PLAC1: variants seen among roughly 807,000 people sequenced by gnomAD.
PLAC1 encodes placenta-specific protein 1.
For missense variants in PLAC1, 136 were observed against 163.2 expected (o/e 0.83, Z 0.91); for synonymous variants, 68 against 62.1 (o/e 1.09, Z -0.44).
chrX:134,616,480 C>CA (rs1186722027), intron 1 of PLAC1, among the ~76,000 whole-genome samples: 1 of 109,582 alleles, frequency 9.1e-6, no homozygotes, highest in Non-Finnish European at 1.9e-5. Flanking sequence ...ACTAAAAATA[C>CA]AAAAAATTAG....
In PLAC1 at chrX:134,566,755, A is replaced by C. The variant is rs2077878801; in HGVS notation, c.-58-15T>G. The C allele has an allele frequency of 4.4e-5, 36 of 827,439 alleles. No individual in the cohort carries two copies. Among genetic ancestry groups the C allele is most frequent in the Middle Eastern group, 9.0e-4 (2 of 2,226 alleles). 68.2% of individuals were successfully genotyped at this position (827,439 alleles called of 1,213,427 possible). A position where few individuals can be genotyped will look rare whatever the true frequency, so the allele number is the denominator to read the frequency against. ...AGTGAGGATTTCTAGAGCACAAAAA[A>C]ACACAAGAGGCAAGTCATCTTATTT... On this transcript the variant is annotated splice_polypyrimidine_tract_variant and intron_variant, in intron 2 of 2. Transcript: ENST00000359237.
At chrX:134,582,939 A>C (rs761103617) in intron 2 of PLAC1, among the ~76,000 whole-genome samples, 3 of 111,621 alleles carry the variant, frequency 2.7e-5, no homozygotes, top group Non-Finnish European at 5.6e-5. Flanking sequence ...GACGGCGCTA[A>C]CTAACTTTGG....
chrX:134,756,844 G>A (rs1372330602), intron 1 of PLAC1, among the ~76,000 whole-genome samples: 2 of 104,218 alleles, frequency 1.9e-5, no homozygotes, highest in African/African-American at 3.6e-5. Context: ...GCAAGACTCC[G>A]TCTCAAAAAA....
chrX:134,652,093 G>A (rs1425198932), intron 1 of PLAC1, among the ~76,000 whole-genome samples: 2 of 111,402 alleles, frequency 1.8e-5, no homozygotes, highest in Non-Finnish European at 3.8e-5. Context: ...TGCAGCAGAG[G>A]AACTTGAGCC....
intron 2 of PLAC1, among the ~76,000 whole-genome samples, chrX:134,579,206 T>C (rs759803467): frequency 9.1e-6 from 1 of 110,348 alleles, no homozygotes; most frequent in East Asian, 2.9e-4. Context: ...TCCTTGCAGC[T>C]CTCCTGTAAG....
chrX:134,618,316 G>C (rs2078194570), intron 1 of PLAC1, among the ~76,000 whole-genome samples: 1 of 112,197 alleles, frequency 8.9e-6, no homozygotes, highest in Non-Finnish European at 1.9e-5. Context: ...AAGAGCTTTG[G>C]ATCTTCTTAA....
intron 2 of PLAC1, among the ~76,000 whole-genome samples, chrX:134,705,038 A>G (rs770635681): frequency 9.8e-6 from 1 of 102,526 alleles, no homozygotes; most frequent in South Asian, 4.1e-4. Flanking sequence ...ACACACACTA[A>G]TATATAAAAT....
At chrX:134,662,772 A>G (rs777221436), upstream of PLAC1, among the ~76,000 whole-genome samples, 206 of 111,318 alleles carry the variant, frequency 1.9e-3, 1 homozygote, top group African/African-American at 6.1e-3. Context: ...TCTACAAAAT[A>G]ATAAAAAGTA....
chrX:134,643,054 T>A (rs923439036), intron 1 of PLAC1, among the ~76,000 whole-genome samples: 10 of 111,613 alleles, frequency 9.0e-5, no homozygotes, highest in African/African-American at 3.3e-4. Flanking sequence ...AAAGACTATA[T>A]TAAAAAGTAT....
chrX:134,637,081 G>A (rs765100268), intron 1 of PLAC1, among the ~76,000 whole-genome samples: 1 of 112,615 alleles, frequency 8.9e-6, no homozygotes, highest in Non-Finnish European at 1.9e-5. Context: ...TGGATTAACT[G>A]TAGCATAGGC....
chrX:134,624,908 TGATAGATA>T (rs58742246), intron 1 of PLAC1, among the ~76,000 whole-genome samples: 4,468 of 103,356 alleles, frequency 0.043, 85 homozygotes, highest in Middle Eastern at 0.098. Context: ...GACAGATAAA[TGATAGATA>T]GATAGATAGA....
At chrX:134,740,162 A>G (rs774086196) in intron 1 of PLAC1, among the ~76,000 whole-genome samples, 2 of 110,235 alleles carry the variant, frequency 1.8e-5, no homozygotes, top group Admixed American at 9.7e-5. Context: ...TACTAAAAAT[A>G]CAAAATTAGC....
At chrX:134,705,577 T>C (rs901208890) in intron 2 of PLAC1, among the ~76,000 whole-genome samples, 4 of 111,241 alleles carry the variant, frequency 3.6e-5, no homozygotes, top group African/African-American at 1.3e-4. Flanking sequence ...AGGAGTGATA[T>C]TATCCAAAAT....
intron 2 of PLAC1, among the ~76,000 whole-genome samples, chrX:134,567,417 T>C (rs1362777448): frequency 8.0e-5 from 9 of 112,008 alleles, no homozygotes; most frequent in Non-Finnish European, 1.7e-4. Flanking sequence ...TGCTGGTTTT[T>C]AATTTTACAT....
At chrX:134,728,686 A>G (rs2078680478) in intron 2 of PLAC1, among the ~76,000 whole-genome samples, 1 of 112,290 alleles carries the variant, frequency 8.9e-6, no homozygotes, top group Admixed American at 9.4e-5. Context: ...AGTAGTTTGA[A>G]TCCACAGGAA....
intron 1 of PLAC1, among the ~76,000 whole-genome samples, chrX:134,742,595 AAAAG>A (rs1223367815): frequency 4.5e-5 from 5 of 111,450 alleles, no homozygotes; most frequent in African/African-American, 1.6e-4. Context: ...TTCAAAAAAA[AAAAG>A]AAAGAAAGAA....
At chrX:134,637,326 G>C (rs1368872747) in intron 1 of PLAC1, among the ~76,000 whole-genome samples, 1 of 111,366 alleles carries the variant, frequency 9.0e-6, no homozygotes, top group Admixed American at 9.5e-5. Context: ...CATTGACCAG[G>C]CTTTCCCCCA....
intron 1 of PLAC1, chrX:134,651,531 T>C (rs77693100): frequency 1.9e-4 from 22 of 116,173 alleles, no homozygotes; most frequent in Non-Finnish European, 3.2e-4. Flanking sequence ...AAATGTCTAC[T>C]CTTGGATAAA....
chrX:134,707,423 T>A (rs2078608610), intron 2 of PLAC1, among the ~76,000 whole-genome samples: 1 of 112,348 alleles, frequency 8.9e-6, no homozygotes, highest in African/African-American at 3.2e-5. Context: ...TCATTTACAT[T>A]AGGTATTTCT....
Sources: allele counts gnomAD v4.1 joint callset (sites outside exome capture counted in the v4.1 genomes callset), GRCh38; gene constraint gnomAD v4.1.1; transcripts MANE v1.5; gene names NCBI Gene and HGNC (gene_info 2026-07-23, HGNC 2026-07-21).